Variants in DMXL1 observed in about 807,000 individuals in gnomAD.
DMXL1 encodes Dmx like 1.
In DMXL1, 99 loss-of-function variants were observed where a neutral mutation model predicts 319.2. The observed-to-expected ratio is 0.31, with a 90% CI of 0.26 to 0.37. DMXL1 has a LOEUF of 0.37. Among genes scored for constraint, DMXL1 ranks in the 10% least tolerant of loss-of-function variants. The pLI is 1.00. For missense variants in DMXL1, 3,745 were observed against 3,595.6 expected, an observed-to-expected ratio of 1.04 and a Z score of -1.06; for synonymous variants, 1,385 against 1,235.2, an observed-to-expected ratio of 1.12 and a Z score of -2.54.
rs767159053 is a variant in DMXL1 at position 119,165,211 on chromosome 5, A to G, written c.4901A>G (p.Asn1634Ser). ...GCTAAAGCAGCCTTTTATAGAAAGA[A>G]TGATCCTTTAGATGCTGCCATTTTT... is the stretch of plus-strand genomic sequence containing the variant. ...KVAKAAFYRKNDPLDAAIFYL... is the reference protein window; with the variant it reads ...KVAKAAFYRKSDPLDAAIFYL... The change falls in exon 21 of 44, where the codon AAT becomes AGT. Residue 1634 changes from asparagine (N) to serine (S), a missense_variant. Physicochemically the swap from Asn to Ser is conservative, Grantham distance 46. Coordinates refer to ENST00000539542, the MANE Select transcript of DMXL1 (RefSeq NM_001290321.3). 1.9e-6 allele frequency: 3 copies of G among 1,606,162 alleles called. No individual in the cohort carries two copies. Among genetic ancestry groups the G allele is most frequent in the Non-Finnish European group, 2.5e-6 (3 of 1,177,042 alleles).
At chr5:119,200,992 A>G (rs977944883) in intron 32 of DMXL1, among the ~76,000 whole-genome samples, 4 of 152,208 alleles carry the variant, frequency 2.6e-5, no homozygotes, top group African/African-American at 9.6e-5. Context: ...TTTTCTAGAT[A>G]TAGAATCATG....
Position 119,197,730 on chromosome 5 carries a change from A to G in DMXL1, c.7544-25A>G. 5.0e-6 allele frequency: 8 copies of G among 1,608,640 alleles called. No individual in the cohort carries two copies. In the South Asian group the frequency reaches 8.8e-5, roughly 18 times the overall value. On this transcript the variant is annotated intron_variant, in intron 31 of 43. Coordinates refer to ENST00000539542, the MANE Select transcript of DMXL1 (RefSeq NM_001290321.3). ...TATGGCATTTTACTGCATAAGATTA[A>G]TATGAGTCAATGTTCCCATTTTAGA...
rs762474696 is a variant in DMXL1 at position 119,216,855 on chromosome 5, A to T, written c.7927-46A>T. On this transcript the variant is annotated intron_variant, in intron 34 of 43. Transcript: ENST00000539542. Reference sequence around the variant, plus strand: ...TAGATTGGCATATATTATTAGTTCTATTACTAAAATCAGTGCATTTTTGTG... The same window carrying T: ...TAGATTGGCATATATTATTAGTTCTTTTACTAAAATCAGTGCATTTTTGTG... 8 of 1,007,450 alleles carry T rather than the reference A, an allele frequency of 7.9e-6. No homozygotes were observed. The African/African-American group carries it at 8.0e-5, about 10-fold the overall frequency. 62.4% of individuals were successfully genotyped at this position (1,007,450 alleles called of 1,614,324 possible).
At chr5:119,183,964 C>G (rs1192650819) in intron 28 of DMXL1, among the ~76,000 whole-genome samples, 1 of 152,120 alleles carries the variant, frequency 6.6e-6, no homozygotes, top group East Asian at 1.9e-4. Context: ...TTTTATTTCA[C>G]TGCTAAAGCC....
intron 43 of DMXL1, among the ~76,000 whole-genome samples, chr5:119,245,778 T>TC (rs1561961030): frequency 6.6e-6 from 1 of 152,024 alleles, no homozygotes. Flanking sequence ...GACCTTGTGA[T>TC]CCGCCTGCCT....
At chr5:119,158,343 A>T (rs188933253) in intron 19 of DMXL1, among the ~76,000 whole-genome samples, 16 of 151,830 alleles carry the variant, frequency 1.1e-4, no homozygotes, top group Non-Finnish European at 2.2e-4. Context: ...TTCATGTTTA[A>T]TGTAGTTGTT....
intron 25 of DMXL1, among the ~76,000 whole-genome samples, chr5:119,174,426 T>C (rs1387016895): frequency 6.6e-6 from 1 of 152,206 alleles, no homozygotes; most frequent in Non-Finnish European, 1.5e-5. Context: ...AGCTGCAAAA[T>C]ACTGTGATCA....
At chr5:119,185,035 T>C (rs890185664) in intron 28 of DMXL1, among the ~76,000 whole-genome samples, 1 of 152,210 alleles carries the variant, frequency 6.6e-6, no homozygotes, top group African/African-American at 2.4e-5. Flanking sequence ...TATTGATGTC[T>C]ACTACTATCG....
intron 19 of DMXL1, among the ~76,000 whole-genome samples, chr5:119,161,099 TAG>T (rs905584147): frequency 4.6e-5 from 7 of 152,236 alleles, no homozygotes; most frequent in African/African-American, 1.7e-4. Context: ...CTGGCCAAGA[TAG>T]AGCTTCACTA....
intron 5 of DMXL1, among the ~76,000 whole-genome samples, chr5:119,111,117 C>G (rs549925931): frequency 6.6e-6 from 1 of 152,130 alleles, no homozygotes; most frequent in African/African-American, 2.4e-5. Context: ...GCAGGGAAAA[C>G]TAGCTAGCTC....
chr5:119,127,167 C>G (rs1763776684), intron 9 of DMXL1: 1 of 161,624 alleles, frequency 6.2e-6, no homozygotes, highest in Non-Finnish European at 1.4e-5. Context: ...TTATCAGGAA[C>G]ATCTTTCAAG....
intron 25 of DMXL1, among the ~76,000 whole-genome samples, chr5:119,173,672 A>ATGTGTGTGTGTGTGTGTGTG (rs771056976): frequency 2.2e-4 from 24 of 110,220 alleles, no homozygotes; most frequent in African/African-American, 7.0e-4. Flanking sequence ...AGTAGGATGT[A>ATGTGTGTGTGTGTGTGTGTG]TGTGTGTGTG....
chr5:119,198,477 T>A (rs373235302), intron 32 of DMXL1, among the ~76,000 whole-genome samples: 1 of 152,240 alleles, frequency 6.6e-6, no homozygotes, highest in African/African-American at 2.4e-5. Flanking sequence ...AGCTATAGTT[T>A]ATTGATGCCT....
intron 28 of DMXL1, among the ~76,000 whole-genome samples, chr5:119,185,688 A>G (rs1305841809): frequency 2.0e-5 from 3 of 151,884 alleles, no homozygotes; most frequent in Non-Finnish European, 4.4e-5. Flanking sequence ...TTTTTAGTAG[A>G]GATGAGGTTT....
At chr5:119,180,726 A>G (rs1022006326) in intron 28 of DMXL1, among the ~76,000 whole-genome samples, 3 of 151,986 alleles carry the variant, frequency 2.0e-5, no homozygotes, top group Non-Finnish European at 4.4e-5. Flanking sequence ...TATACTTGAG[A>G]TATCTGAATT....
intron 26 of DMXL1, 135 bp from the exon 27 acceptor site, chr5:119,177,222 A>G: frequency 2.0e-6 from 1 of 507,650 alleles, no homozygotes; most frequent in Non-Finnish European, 3.4e-6. Flanking sequence ...ATAGCACTAG[A>G]CTGTACATTA....
At chr5:119,098,984 G>T (rs1372434893) in intron 2 of DMXL1, among the ~76,000 whole-genome samples, 4 of 152,154 alleles carry the variant, frequency 2.6e-5, no homozygotes, top group African/African-American at 4.8e-5. Context: ...GGGACTTAAA[G>T]ATATTAATTA....
intron 8 of DMXL1, among the ~76,000 whole-genome samples, chr5:119,120,079 C>T (rs1290189657): frequency 1.3e-5 from 2 of 151,856 alleles, no homozygotes; most frequent in East Asian, 3.9e-4. Context: ...TGGGGTTTTG[C>T]CATGTTGGCT....
At chr5:119,091,282 C>A (rs1161067984) in intron 1 of DMXL1, among the ~76,000 whole-genome samples, 7 of 152,132 alleles carry the variant, frequency 4.6e-5, no homozygotes. Flanking sequence ...TCACAGCTCA[C>A]TGCAGCCTTA....
Sources: gnomAD v4.1 joint callset for allele counts (sites outside exome capture counted in the v4.1 genomes callset) on GRCh38, gnomAD v4.1.1 for gene constraint, MANE v1.5 for transcripts, NCBI Gene and HGNC (gene_info 2026-07-23, HGNC 2026-07-21) for gene names.